The following POLD1 variants were observed in gnomAD, a reference collection of about 807,000 sequenced individuals.
POLD1 encodes DNA polymerase delta catalytic subunit.
In POLD1, 79 loss-of-function variants were observed where a neutral mutation model predicts 129.7. The observed-to-expected ratio is 0.61, with a 90% CI of 0.51 to 0.73. POLD1 has a LOEUF of 0.73. POLD1 is among the 30% of genes least tolerant of loss of function. POLD1 has a pLI of 0.00. For missense variants in POLD1, 1,338 were observed against 1,595.8 expected (o/e 0.84, Z 2.75); for synonymous variants, 714 against 683.3 (o/e 1.04, Z -0.70).
Position 50,413,422 on chromosome 19 carries a change from A to C in POLD1, c.2155-4A>C. On this transcript the variant is annotated splice_region_variant and splice_polypyrimidine_tract_variant and intron_variant, in intron 17 of 26. Coordinates refer to ENST00000440232, the MANE Select transcript of POLD1 (RefSeq NM_002691.4). ...TTCACTCCGCATGATTCTCTCCCCGACAGAGCGTCACGGGGTTCGGACGTC... is the reference window on the plus strand; with the variant it reads ...TTCACTCCGCATGATTCTCTCCCCGCCAGAGCGTCACGGGGTTCGGACGTC... The C allele has an allele frequency of 6.2e-7, 1 of 1,612,300 alleles. No homozygotes were observed. Among genetic ancestry groups the C allele is most frequent in the Admixed American group, 1.7e-5 (1 of 59,938 alleles).
rs770497033 is a variant in POLD1 at position 50,407,197 on chromosome 19, C to T, written c.1686+23C>T. On this transcript the variant is annotated intron_variant, in intron 13 of 26. Transcript: ENST00000440232. ...CAGGTCAGTAGCCGAGACTTGTCCT[C>T]GCCACCCCCCACCAGGCACGTCTGT... The T allele has an allele frequency of 7.8e-5, 123 of 1,585,938 alleles. No homozygotes were observed. In the South Asian group the frequency reaches 9.6e-4, roughly 12 times the overall value.
intron 22 of POLD1, 118 bp from the exon 23 acceptor site, chr19:50,416,267 ACCCAGGCCCCC>A: frequency 1.1e-6 from 1 of 939,532 alleles, no homozygotes; most frequent in Non-Finnish European, 1.6e-6. Context: ...CCCATCCCAG[ACCCAGGCCCCC>A]CCCATGTCAC....
chr19:50,414,083 CTGTCCCTGGTTTTGAGGTGTCACAG>C (rs1253631769), intron 19 of POLD1, among the ~76,000 whole-genome samples: 2 of 152,230 alleles, frequency 1.3e-5, no homozygotes, highest in Admixed American at 6.5e-5. Context: ...AACCCTGTCG[CTGTCCCTGGTTTTGAGGTGTCACAG>C]TGTCCCTGGT....
At chr19:50,385,921 T>C (rs746783958) in intron 1 of POLD1, among the ~76,000 whole-genome samples, 12 of 152,028 alleles carry the variant, frequency 7.9e-5, no homozygotes, top group East Asian at 3.9e-4. Flanking sequence ...CCCTCTCTTA[T>C]GTGTTTCTGA....
rs768642194 is a variant in POLD1, at chr19:50,415,785, A to C, written c.2779A>C (p.Ile927Leu). The stretch of plus-strand genomic sequence containing the variant: ...GGGCGACCGCGTCCCCTACGTGATC[A>C]TCAGTGCCGCCAAGGGTGTGGCCGC... ...SLGDRVPYVIISAAKGVAAYM... is the reference protein window; with the variant it reads ...SLGDRVPYVILSAAKGVAAYM... Residue 927 changes from isoleucine to leucine, a missense_variant, in exon 22 of 27, where the codon ATC (isoleucine) becomes CTC (leucine). By Grantham distance (5) the Ile-to-Leu change is conservative (BLOSUM62 2). Around this residue, in one of 3 missense-constraint regions of POLD1, gnomAD observed 286 missense variants for 277.5 expected, o/e 1.03. Transcript: ENST00000440232. The C allele has an allele frequency of 7.6e-6, 12 of 1,569,190 alleles. No homozygotes were observed. Among genetic ancestry groups the C allele is most frequent in the Non-Finnish European group, 6.0e-6 (7 of 1,159,596 alleles).
chr19:50,408,648 G>T (rs1276539602), intron 14 of POLD1, 137 bp from the exon 15 acceptor site: 7 of 1,327,030 alleles, frequency 5.3e-6, no homozygotes, highest in Non-Finnish European at 7.2e-6. Flanking sequence ...CTCCCAATGT[G>T]CTGGGATTGC....
intron 3 of POLD1, among the ~76,000 whole-genome samples, chr19:50,401,337 TATA>T (rs1437357940): frequency 3.5e-5 from 5 of 142,122 alleles, no homozygotes; most frequent in Non-Finnish European, 6.1e-5. Context: ...TATTTGTACA[TATA>T]ATATGTGTGT....
At chr19:50,414,617 G>T (rs1268163862) in intron 19 of POLD1, among the ~76,000 whole-genome samples, 198 bp from the exon 20 acceptor site, 1 of 152,230 alleles carries the variant, frequency 6.6e-6, no homozygotes, top group Non-Finnish European at 1.5e-5. Context: ...CTGGTGTGGG[G>T]GCTCTGGCAT....
At position 50,409,320 on chromosome 19, in the gene POLD1, C is replaced by A. The variant is rs2039010688; in HGVS notation, c.2006+85C>A. The stretch of plus-strand genomic sequence containing the variant: ...TGTCCCTCACTGGGACACCCCAGGG[C>A]TGCCCAGCCACCCTGCCCTCAGCTG... On this transcript the variant is annotated intron_variant, in intron 16 of 26. Transcript: ENST00000440232. The surrounding 1 kb of genome is among the most constrained non-coding windows in gnomAD (Gnocchi z 5.8). The A allele has an allele frequency of 4.9e-6, 6 of 1,229,662 alleles. No homozygotes were observed. Among genetic ancestry groups the A allele is most frequent in the Middle Eastern group, 2.1e-4 (1 of 4,688 alleles). The allele number at this position is 1,229,662 out of a possible 1,614,324, so 76.2% of individuals were successfully genotyped here. A position where few individuals can be genotyped will look rare whatever the true frequency, so the allele number is the denominator to read the frequency against.
intron 1 of POLD1, among the ~76,000 whole-genome samples, chr19:50,394,630 T>G (rs3219340): frequency 0.099 from 15,054 of 151,872 alleles, 1,850 homozygotes; most frequent in East Asian, 0.69. Context: ...TTCCAGCCTG[T>G]GTGACCGAGT....
Position 50,401,800 on chromosome 19 carries a change from G to A in POLD1, c.339G>A (p.Gly113=), listed in dbSNP as rs1310931208. Residue 113 remains glycine, a synonymous_variant, in exon 4 of 27, where the codon GGG becomes GGA. Transcript: ENST00000440232. The part of the protein sequence containing the change: ...HYVGPAQPVP[G]GPPPSRGSVP... The stretch of plus-strand genomic sequence containing the variant: ...CAGGCCCAGCGCAGCCTGTGCCTGG[G>A]GGGCCCCCACCATCCCGCGGCTCCG... 2 of 1,612,996 alleles carry A rather than the reference G, an allele frequency of 1.2e-6. No homozygotes were observed. Among genetic ancestry groups the A allele is most frequent in the African/African-American group, 2.7e-5 (2 of 74,910 alleles).
intron 17 of POLD1, among the ~76,000 whole-genome samples, chr19:50,410,654 A>G (rs1568632520): frequency 6.6e-6 from 1 of 152,182 alleles, no homozygotes; most frequent in Non-Finnish European, 1.5e-5. Context: ...CGTGTCTTCC[A>G]GTTGTGCTCT....
At chr19:50,411,096 T>C (rs2039073526) in intron 17 of POLD1, 1 of 151,916 alleles carries the variant, frequency 6.6e-6, no homozygotes, top group Admixed American at 6.6e-5. Context: ...TGGCTGGGAC[T>C]GCGGGCACGT....
At chr19:50,415,099 A>G in intron 20 of POLD1, 109 bp downstream of exon 20, 1 of 1,060,040 alleles carries the variant, frequency 9.4e-7, no homozygotes, top group Non-Finnish European at 1.3e-6. Context: ...CCACGGGTCC[A>G]GGCCCCCAGC....
At position 50,409,188 on chromosome 19, in the gene POLD1, G is replaced by A. The variant is rs1443432312; in HGVS notation, c.1959G>A (p.Lys653=). ...AGTTTGTGAAGACCTCAGTGCGGAA[G>A]GGGCTGCTGCCCCAGATCCTGGAGA... ...GDEFVKTSVR[K]GLLPQILENL... is the part of the protein sequence containing the mutation. Residue 653 remains lysine, a synonymous_variant, in exon 16 of 27, where the codon AAG becomes AAA. Coordinates refer to ENST00000440232, the MANE Select transcript of POLD1 (RefSeq NM_002691.4). The surrounding 1 kb of genome is among the most constrained non-coding windows in gnomAD (Gnocchi z 5.8). The A allele has an allele frequency of 6.2e-7, 1 of 1,613,804 alleles. No individual in the cohort carries two copies. The highest frequency in any genetic ancestry group is 8.5e-7 in the Non-Finnish European group (1 of 1,179,786).
rs3840923 is a variant in POLD1 at position 50,417,671 on chromosome 19, TCC to T, written c.3219-162_3219-161del. Among the ~76,000 whole-genome samples, 164 of 110,522 alleles carry T rather than the reference TCC, an allele frequency of 1.5e-3. 1 individual carries two copies. The highest frequency in any genetic ancestry group is 5.1e-3 in the South Asian group (16 of 3,118). The allele number at this position is 110,522 out of a possible 152,430, so 72.5% of individuals were successfully genotyped here. On this transcript the variant is annotated intron_variant, in intron 26 of 26. Coordinates refer to ENST00000440232, the MANE Select transcript of POLD1 (RefSeq NM_002691.4). ...TCGCCAGGCACCCGCTGTTATCGGC[TCC>T]CCCCCCCCACCCCCCCCGTGCCTGC...
chr19:50,404,574 C>CTT (rs71182717), intron 10 of POLD1, among the ~76,000 whole-genome samples: 10,049 of 77,824 alleles, frequency 0.13, 1,779 homozygotes, highest in South Asian at 0.18. Flanking sequence ...TTTTCTCTTT[C>CTT]TTTTTTTTTT....
chr19:50,392,455 C>T (rs2546547), intron 1 of POLD1, among the ~76,000 whole-genome samples: 10,838 of 152,026 alleles, frequency 0.071, 1,271 homozygotes, highest in African/African-American at 0.24. Flanking sequence ...GTTGTCACCC[C>T]TCACCTTGGA....
rs549219720 is a variant in POLD1 at position 50,406,608 on chromosome 19, C to A, written c.1494+91C>A. 4.3e-6 allele frequency: 4 copies of A among 928,154 alleles called. No homozygotes were observed. The East Asian group carries it at 1.1e-4, about 24-fold the overall frequency. The allele number at this position is 928,154 out of a possible 1,614,324, so 57.5% of individuals were successfully genotyped here. A position where few individuals can be genotyped will look rare whatever the true frequency, so the allele number is the denominator to read the frequency against. ...TGACCTCAACTTCACGCCCCCACGT[C>A]TGACCTCACTCTTTGACCTGCTGTT... On this transcript the variant is annotated intron_variant, in intron 12 of 26. Transcript: ENST00000440232. This position sits in a 1 kb window ranked among gnomAD's most constrained non-coding sequence, Gnocchi z 5.5.
Sources: gnomAD v4.1 joint callset for allele counts (sites outside exome capture counted in the v4.1 genomes callset) on GRCh38, gnomAD v4.1.1 for gene constraint, gnomAD v4.1.1 regional missense constraint, Gnocchi (gnomAD v3.1) non-coding constraint, MANE v1.5 for transcripts, NCBI Gene and HGNC (gene_info 2026-07-23, HGNC 2026-07-21) for gene names.